The following RARB variants were observed in gnomAD, a reference collection of about 807,000 sequenced individuals.
RARB encodes retinoic acid receptor beta, also known as HBV-activated protein.
In RARB, 17 loss-of-function variants were observed where a neutral mutation model predicts 51.9. The observed-to-expected ratio is 0.33, with a 90% CI of 0.22 to 0.49. RARB has a LOEUF of 0.49. Among genes scored for constraint, RARB ranks in the 20% least tolerant of loss-of-function variants. The pLI is 0.99. For missense variants in RARB, 369 were observed against 550.8 expected (o/e 0.67, Z 3.30); for synonymous variants, 215 against 195.4 (o/e 1.10, Z -0.84).
At chr3:25,230,352 C>T (rs1702148595) in intron 5 of RARB, among the ~76,000 whole-genome samples, 1 of 152,044 alleles carries the variant, frequency 6.6e-6, no homozygotes, top group Admixed American at 6.6e-5. Context: ...TTCTTTCCCC[C>T]ATTTCATGAA....
intron 2 of RARB, among the ~76,000 whole-genome samples, chr3:25,491,896 G>A (rs1696756667): frequency 6.6e-6 from 1 of 151,386 alleles, no homozygotes; most frequent in South Asian, 2.1e-4. Flanking sequence ...AGCCAAGAAT[G>A]CACCGCTGTA....
intron 5 of RARB, among the ~76,000 whole-genome samples, chr3:25,415,288 A>T (rs1707672263): frequency 6.6e-6 from 1 of 152,110 alleles, no homozygotes; most frequent in African/African-American, 2.4e-5. Flanking sequence ...AAGATCACAA[A>T]ATTTTCTCCT....
chr3:25,267,738 G>A (rs573648160), intron 5 of RARB, among the ~76,000 whole-genome samples: 1 of 152,238 alleles, frequency 6.6e-6, no homozygotes, highest in South Asian at 2.1e-4. Context: ...CTATCTGGAA[G>A]TTCATTTTAT....
At chr3:25,568,464 G>A (rs188203757) in intron 3 of RARB, among the ~76,000 whole-genome samples, 46 of 152,066 alleles carry the variant, frequency 3.0e-4, no homozygotes, top group African/African-American at 1.1e-3. Context: ...GGAGTGGCTC[G>A]TACAGACACT....
At chr3:25,590,366 G>A (rs1701568670) in intron 5 of RARB, among the ~76,000 whole-genome samples, 1 of 152,114 alleles carries the variant, frequency 6.6e-6, no homozygotes, top group Non-Finnish European at 1.5e-5. Context: ...ACAAATCTCT[G>A]GATTCTTTCA....
At chr3:24,963,960 T>A (rs1228458148) in intron 2 of RARB, among the ~76,000 whole-genome samples, 1 of 152,190 alleles carries the variant, frequency 6.6e-6, no homozygotes, top group Non-Finnish European at 1.5e-5. Context: ...GTATATAATC[T>A]TGACCAGCAG....
intron 5 of RARB, among the ~76,000 whole-genome samples, chr3:25,234,958 C>G (rs1192132954): frequency 6.6e-6 from 1 of 151,996 alleles, no homozygotes; most frequent in Non-Finnish European, 1.5e-5. Context: ...TAGAGCAGGA[C>G]TTGGGAGAAA....
intron 3 of RARB, among the ~76,000 whole-genome samples, chr3:25,530,566 T>G (rs1698859527): frequency 6.6e-6 from 1 of 152,210 alleles, no homozygotes. Context: ...ACTTCCATCT[T>G]CAAAGCCAGC....
intron 5 of RARB, among the ~76,000 whole-genome samples, chr3:25,262,251 G>A (rs901854927): frequency 1.6e-4 from 25 of 152,192 alleles, no homozygotes; most frequent in Middle Eastern, 3.4e-3. Flanking sequence ...CTCACTACAC[G>A]TAATGACTAT....
intron 5 of RARB, among the ~76,000 whole-genome samples, chr3:25,231,538 A>C (rs1702176357): frequency 6.6e-6 from 1 of 152,188 alleles, no homozygotes; most frequent in Admixed American, 6.6e-5. Flanking sequence ...GTTAAGCTAC[A>C]TCAATGACTA....
At chr3:24,938,316 T>C (rs79141242) in intron 2 of RARB, among the ~76,000 whole-genome samples, 3,011 of 152,276 alleles carry the variant, frequency 0.02, 59 homozygotes, top group Middle Eastern at 0.065. Context: ...GAGTCTTTCG[T>C]TGTACTGTAG....
At chr3:24,925,728 C>A (rs1695307423) in intron 2 of RARB, among the ~76,000 whole-genome samples, 1 of 149,970 alleles carries the variant, frequency 6.7e-6, no homozygotes, top group African/African-American at 2.5e-5. Flanking sequence ...ATGCGGCAAG[C>A]TATTAATAGA....
intron 2 of RARB, among the ~76,000 whole-genome samples, chr3:25,028,182 C>A (rs1272778474): frequency 6.6e-6 from 1 of 152,176 alleles, no homozygotes; most frequent in African/African-American, 2.4e-5. Flanking sequence ...CTCCTGGAAA[C>A]TCATTAGAAT....
chr3:25,405,603 T>C (rs1707384043), intron 5 of RARB, among the ~76,000 whole-genome samples: 2 of 152,228 alleles, frequency 1.3e-5, no homozygotes, highest in African/African-American at 4.8e-5. Context: ...ACTCTAGATC[T>C]GTGTTGTAAA....
intron 3 of RARB, among the ~76,000 whole-genome samples, chr3:25,098,182 C>T (rs1253290839): frequency 6.6e-6 from 1 of 152,002 alleles, no homozygotes. Context: ...GAGCAGAGGC[C>T]TGAAGGGTGA....
intron 1 of RARB, among the ~76,000 whole-genome samples, chr3:24,857,528 G>T (rs566023994): frequency 1.3e-5 from 2 of 152,258 alleles, no homozygotes; most frequent in South Asian, 2.1e-4. Flanking sequence ...GTATACTAAA[G>T]ATGTATTTGC....
At chr3:24,859,415 A>G (rs1466247842) in intron 2 of RARB, among the ~76,000 whole-genome samples, 1 of 152,202 alleles carries the variant, frequency 6.6e-6, no homozygotes, top group Admixed American at 6.5e-5. Flanking sequence ...GGTGTAACAA[A>G]TAGTTAAGCA....
At chr3:25,235,440 A>C (rs565979689) in intron 5 of RARB, among the ~76,000 whole-genome samples, 1 of 152,286 alleles carries the variant, frequency 6.6e-6, no homozygotes, top group Admixed American at 6.5e-5. Flanking sequence ...CAAACCATAA[A>C]AAAAAGTATC....
intron 2 of RARB, among the ~76,000 whole-genome samples, chr3:24,887,123 A>G (rs1703282353): frequency 5.3e-5 from 8 of 152,232 alleles, no homozygotes; most frequent in Admixed American, 5.2e-4. Flanking sequence ...AAGGGCCATC[A>G]ATTACAAAAT....
Sources: allele counts gnomAD v4.1 joint callset (sites outside exome capture counted in the v4.1 genomes callset), GRCh38; gene constraint gnomAD v4.1.1; transcripts MANE v1.5; gene names NCBI Gene and HGNC (gene_info 2026-07-23, HGNC 2026-07-21).